PBX3: variants seen among roughly 807,000 people sequenced by gnomAD.
PBX3 encodes pre-B-cell leukemia transcription factor 3.
A neutral mutation model predicts 48.5 loss-of-function variants in PBX3; 14 were observed. That is an observed-to-expected ratio of 0.29 (90% confidence interval 0.19 to 0.45). The LOEUF is 0.45. PBX3 is among the 20% of genes least tolerant of loss of function. The pLI is 1.00. For synonymous variants in PBX3, 210 were observed against 200.3 expected (o/e 1.05, Z -0.41); for missense variants, 386 against 546.7 (o/e 0.71, Z 2.93).
At chr9:125,917,562 G>T (rs1841361572) in intron 3 of PBX3, among the ~76,000 whole-genome samples, 1 of 151,884 alleles carries the variant, frequency 6.6e-6, no homozygotes, top group Admixed American at 6.6e-5. Flanking sequence ...CCTTCCCACT[G>T]ATCCCTGGCA....
At chr9:125,834,148 A>G (rs1839048419) in intron 2 of PBX3, among the ~76,000 whole-genome samples, 1 of 152,248 alleles carries the variant, frequency 6.6e-6, no homozygotes. Context: ...AAATAAGTCA[A>G]TAAATAGAAT....
chr9:125,886,904 A>T (rs1487191492), intron 2 of PBX3, among the ~76,000 whole-genome samples: 1 of 152,186 alleles, frequency 6.6e-6, no homozygotes, highest in African/African-American at 2.4e-5. Context: ...CAGAATGATT[A>T]TAGACTTCAC....
intron 2 of PBX3, chr9:125,797,414 T>C (rs901453168): frequency 1.3e-5 from 2 of 152,154 alleles, no homozygotes; most frequent in Non-Finnish European, 1.5e-5. Flanking sequence ...ATTTAAACTT[T>C]TTTTTAACAA....
At chr9:125,957,286 C>G (rs1477038887) in intron 5 of PBX3, among the ~76,000 whole-genome samples, 1 of 152,192 alleles carries the variant, frequency 6.6e-6, no homozygotes, top group Non-Finnish European at 1.5e-5. Flanking sequence ...TAGGTAATCC[C>G]ATCAAACAAT....
chr9:125,874,910 A>G (rs1413001280), intron 2 of PBX3, among the ~76,000 whole-genome samples: 1 of 152,188 alleles, frequency 6.6e-6, no homozygotes, highest in African/African-American at 2.4e-5. Context: ...TTTGTTTAAC[A>G]TAGCAAAAAA....
intron 2 of PBX3, among the ~76,000 whole-genome samples, chr9:125,837,399 T>G (rs1179269746): frequency 2.7e-5 from 4 of 149,520 alleles, no homozygotes; most frequent in Non-Finnish European, 5.9e-5. Context: ...TATATATAAT[T>G]TATTTTATAT....
chr9:125,909,014 G>A (rs1841141847), intron 2 of PBX3, among the ~76,000 whole-genome samples: 2 of 151,944 alleles, frequency 1.3e-5, no homozygotes, highest in African/African-American at 4.8e-5. Context: ...TCTTGCCCTA[G>A]CCCTGTTCTC....
intron 3 of PBX3, among the ~76,000 whole-genome samples, chr9:125,918,335 T>C (rs1241361982): frequency 1.3e-5 from 2 of 152,218 alleles, no homozygotes; most frequent in Non-Finnish European, 2.9e-5. Context: ...TATGTAACTT[T>C]AGCCCCAGCT....
rs1214900252 is a variant in PBX3 at position 125,780,406 on chromosome 9, C to T, written c.274+31783C>T. On this transcript the variant is annotated intron_variant, in intron 2 of 8. Coordinates refer to ENST00000373489, the MANE Select transcript of PBX3 (RefSeq NM_006195.6). ...CTCCCAGACGGGGCGGCTGGCCGGGCGGGGGGCTGACCCCCCCCCCACCTC... is the reference window on the plus strand; with the variant it reads ...CTCCCAGACGGGGCGGCTGGCCGGGTGGGGGGCTGACCCCCCCCCCACCTC... Among the ~76,000 whole-genome samples the T allele has an allele frequency of 1.5e-3, 100 of 65,004 alleles. 4 individuals carry two copies. Among genetic ancestry groups the T allele is most frequent in the South Asian group, 8.9e-3 (16 of 1,792 alleles). The allele number at this position is 65,004 out of a possible 152,430, so 42.6% of individuals were successfully genotyped here. A position where few individuals can be genotyped will look rare whatever the true frequency, so the allele number is the denominator to read the frequency against.
intron 2 of PBX3, among the ~76,000 whole-genome samples, chr9:125,832,353 G>A (rs895127317): frequency 6.6e-6 from 1 of 151,834 alleles, no homozygotes; most frequent in Non-Finnish European, 1.5e-5. Flanking sequence ...CCGCCACCAC[G>A]CCTGTCTAAT....
chr9:125,767,907 G>GC (rs1836841640), intron 2 of PBX3, among the ~76,000 whole-genome samples: 1 of 152,094 alleles, frequency 6.6e-6, no homozygotes, highest in Non-Finnish European at 1.5e-5. Context: ...TACATGAAAG[G>GC]CAGGAGCAGG....
chr9:125,830,320 T>A (rs965126614), intron 2 of PBX3, among the ~76,000 whole-genome samples: 1 of 152,148 alleles, frequency 6.6e-6, no homozygotes, highest in Admixed American at 6.5e-5. Context: ...ACAATAGAAC[T>A]ATGAAGAATT....
intron 3 of PBX3, among the ~76,000 whole-genome samples, chr9:125,924,026 G>A (rs1327083196): frequency 6.7e-6 from 1 of 149,426 alleles, no homozygotes; most frequent in Admixed American, 6.7e-5. Context: ...TACCATGCCC[G>A]GCTTAATTTT....
At chr9:125,942,959 G>A (rs370100930) in intron 5 of PBX3, among the ~76,000 whole-genome samples, 1 of 152,132 alleles carries the variant, frequency 6.6e-6, no homozygotes, top group Admixed American at 6.5e-5. Context: ...ACCATGATTG[G>A]TGTGGTGCTT....
intron 2 of PBX3, among the ~76,000 whole-genome samples, chr9:125,822,491 T>C (rs1838681580): frequency 1.3e-5 from 2 of 152,162 alleles, no homozygotes; most frequent in Non-Finnish European, 2.9e-5. Flanking sequence ...AAAACGTTTC[T>C]TCCTTAGATG....
At chr9:125,771,959 G>A (rs1376587435) in intron 2 of PBX3, among the ~76,000 whole-genome samples, 2 of 152,270 alleles carry the variant, frequency 1.3e-5, no homozygotes, top group East Asian at 1.9e-4. Context: ...TGTGACCTGA[G>A]TTCTTGTTGT....
chr9:125,779,149 A>G (rs1003272812), intron 2 of PBX3, among the ~76,000 whole-genome samples: 1 of 143,868 alleles, frequency 7.0e-6, no homozygotes, highest in Non-Finnish European at 1.5e-5. Flanking sequence ...TAGATCTGGA[A>G]TCCTACAATA....
At chr9:125,929,180 A>G (rs1304173635) in intron 3 of PBX3, among the ~76,000 whole-genome samples, 1 of 152,132 alleles carries the variant, frequency 6.6e-6, no homozygotes, top group East Asian at 1.9e-4. Flanking sequence ...TTAGTTTTTT[A>G]TACATTTTTT....
At chr9:125,897,378 C>G (rs1268888661) in intron 2 of PBX3, among the ~76,000 whole-genome samples, 1 of 151,758 alleles carries the variant, frequency 6.6e-6, no homozygotes, top group Non-Finnish European at 1.5e-5. Context: ...GCCATCCAAT[C>G]AAACTGAAGA....
Sources: allele counts gnomAD v4.1 joint callset (sites outside exome capture counted in the v4.1 genomes callset), GRCh38; gene constraint gnomAD v4.1.1; transcripts MANE v1.5; gene names NCBI Gene and HGNC (gene_info 2026-07-23, HGNC 2026-07-21).